LRRC4C: variants seen among roughly 807,000 people sequenced by gnomAD.
LRRC4C encodes leucine-rich repeat-containing protein 4C.
LRRC4C carries 5 observed loss-of-function variants against 33.6 expected under a neutral mutation model. The observed-to-expected ratio is 0.15, with a 90% CI of 0.08 to 0.31. The LOEUF is 0.31. Ranked by LOEUF, LRRC4C falls within the 10% of genes least tolerant of loss-of-function variation. The pLI, the probability that LRRC4C is intolerant of heterozygous loss-of-function variation, is 1.00. For synonymous variants in LRRC4C, 329 were observed against 302.0 expected (o/e 1.09, Z -0.93); for missense variants, 560 against 796.7 (o/e 0.70, Z 3.58).
chr11:41,154,694 T>C (rs1944148334), intron 1 of LRRC4C, among the ~76,000 whole-genome samples: 1 of 152,146 alleles, frequency 6.6e-6, no homozygotes, highest in Admixed American at 6.5e-5. Flanking sequence ...AACTAATTGA[T>C]ATCATTGGCA....
chr11:40,589,049 G>A (rs1254525018), intron 3 of LRRC4C, among the ~76,000 whole-genome samples: 6 of 152,080 alleles, frequency 3.9e-5, no homozygotes, highest in Admixed American at 6.6e-5. Context: ...TTTCTGTCTC[G>A]TTGATCTGTC....
intron 1 of LRRC4C, among the ~76,000 whole-genome samples, chr11:41,223,354 G>A (rs1340414876): frequency 6.6e-6 from 1 of 152,100 alleles, no homozygotes. Flanking sequence ...TTGGTGCCTA[G>A]GTATCTGTTT....
chr11:40,653,315 G>A (rs1942917550), intron 2 of LRRC4C, among the ~76,000 whole-genome samples: 1 of 152,206 alleles, frequency 6.6e-6, no homozygotes, highest in Admixed American at 6.5e-5. Context: ...CTTGTTGAAT[G>A]ACTTTGACCA....
At chr11:41,453,547 A>G (rs993258655) in intron 1 of LRRC4C, among the ~76,000 whole-genome samples, 2 of 152,138 alleles carry the variant, frequency 1.3e-5, no homozygotes, top group Admixed American at 6.6e-5. Context: ...AAACCATGGC[A>G]TAAAAGAACA....
At chr11:40,501,436 C>A (rs1165188106) in intron 3 of LRRC4C, among the ~76,000 whole-genome samples, 4 of 152,182 alleles carry the variant, frequency 2.6e-5, no homozygotes, top group Non-Finnish European at 5.9e-5. Context: ...GTCCCTGCAG[C>A]AAATTTCTGC....
Position 40,615,238 on chromosome 11 carries a change from T to TTATATATATATATATATATATA in LRRC4C, c.-270+32882_-270+32903dup, listed in dbSNP as rs756021420. Among the ~76,000 whole-genome samples, 292 of 87,936 alleles carry TTATATATATATATATATATATA rather than the reference T, an allele frequency of 3.3e-3. 4 individuals are homozygous for TTATATATATATATATATATATA. The highest frequency in any genetic ancestry group is 4.5e-3 in the African/African-American group (114 of 25,328). The allele number at this position is 87,936 out of a possible 152,430, so 57.7% of individuals were successfully genotyped here. The stretch of plus-strand genomic sequence containing the variant: ...CAATCACTCGATGCATTGATTTATT[T>TTATATATATATATATATATATA]TATATATATATATATATATATATAT... On this transcript the variant is annotated intron_variant, in intron 3 of 6. Transcript: ENST00000528697.
At chr11:40,248,810 A>G (rs1866544965) in intron 4 of LRRC4C, among the ~76,000 whole-genome samples, 1 of 152,190 alleles carries the variant, frequency 6.6e-6, no homozygotes, top group South Asian at 2.1e-4. Context: ...TTACGCATAT[A>G]TCAAATATCA....
At chr11:40,256,066 AC>A (rs1434487743) in intron 4 of LRRC4C, among the ~76,000 whole-genome samples, 3 of 151,400 alleles carry the variant, frequency 2.0e-5, no homozygotes, top group Non-Finnish European at 3.0e-5. Context: ...GAGATCTACA[AC>A]CTTTTTAGTT....
intron 3 of LRRC4C, among the ~76,000 whole-genome samples, chr11:40,583,912 T>C (rs1958587162): frequency 6.6e-6 from 1 of 151,492 alleles, no homozygotes; most frequent in Non-Finnish European, 1.5e-5. Flanking sequence ...GACAATGACA[T>C]AGACATGTGA....
chr11:41,220,318 G>A (rs550643157), intron 1 of LRRC4C, among the ~76,000 whole-genome samples: 1 of 152,146 alleles, frequency 6.6e-6, no homozygotes, highest in African/African-American at 2.4e-5. Context: ...AGTTTTTCAA[G>A]GACATACAAC....
chr11:40,309,118 C>G (rs1336786925), intron 4 of LRRC4C, among the ~76,000 whole-genome samples: 5 of 152,172 alleles, frequency 3.3e-5, no homozygotes, highest in Non-Finnish European at 2.9e-5. Flanking sequence ...ACCACAGTGT[C>G]ATTTTAGAAT....
At chr11:40,322,371 A>G (rs1945893003) in intron 3 of LRRC4C, among the ~76,000 whole-genome samples, 2 of 151,946 alleles carry the variant, frequency 1.3e-5, no homozygotes. Flanking sequence ...TCAGCCTCCC[A>G]GGTAGCTGGG....
chr11:40,805,561 C>T (rs149446915), intron 2 of LRRC4C, among the ~76,000 whole-genome samples: 11 of 152,022 alleles, frequency 7.2e-5, no homozygotes, highest in Non-Finnish European at 1.5e-4. Context: ...AATAAATTAA[C>T]CCTGGGTGTA....
intron 2 of LRRC4C, among the ~76,000 whole-genome samples, chr11:40,715,347 C>T (rs1946652795): frequency 6.6e-6 from 1 of 152,138 alleles, no homozygotes; most frequent in African/African-American, 2.4e-5. Flanking sequence ...AATAAAATGC[C>T]ATTTCAATTC....
intron 5 of LRRC4C, 110 bp downstream of exon 5, chr11:40,241,409 T>C (rs1411280097): frequency 6.6e-6 from 1 of 151,952 alleles, no homozygotes; most frequent in Non-Finnish European, 1.5e-5. Context: ...AATAAATAAA[T>C]AACAGAAGTA....
chr11:40,666,401 T>A (rs1291890399), intron 2 of LRRC4C, among the ~76,000 whole-genome samples: 1 of 152,114 alleles, frequency 6.6e-6, no homozygotes, highest in East Asian at 1.9e-4. Context: ...GGAGAGAAGG[T>A]CATGTTTGAA....
chr11:41,192,378 AG>A (rs1381527165), intron 1 of LRRC4C, among the ~76,000 whole-genome samples: 20 of 150,168 alleles, frequency 1.3e-4, no homozygotes, highest in African/African-American at 4.6e-4. Flanking sequence ...AATTGACAAC[AG>A]GGCTAATCAA....
At chr11:41,432,183 C>A (rs1955261672) in intron 1 of LRRC4C, among the ~76,000 whole-genome samples, 1 of 152,184 alleles carries the variant, frequency 6.6e-6, no homozygotes, top group Admixed American at 6.5e-5. Context: ...TAAGTACCTA[C>A]CCATCTATGG....
intron 2 of LRRC4C, among the ~76,000 whole-genome samples, chr11:40,722,158 G>A (rs938067096): frequency 6.6e-6 from 1 of 152,056 alleles, no homozygotes; most frequent in Admixed American, 6.6e-5. Context: ...TGTGTGGGGA[G>A]GGAGATATTT....
Sources: allele counts gnomAD v4.1 joint callset (sites outside exome capture counted in the v4.1 genomes callset), GRCh38; gene constraint gnomAD v4.1.1; transcripts MANE v1.5; gene names NCBI Gene and HGNC (gene_info 2026-07-23, HGNC 2026-07-21).